ARHGEF10: variants seen among roughly 807,000 people sequenced by gnomAD.
The protein encoded by ARHGEF10 is Rho guanine nucleotide exchange factor 10.
ARHGEF10 carries 140 observed loss-of-function variants against 147.4 expected under a neutral mutation model. The ratio of observed to expected loss-of-function variants is 0.95; its 90% CI spans 0.83 to 1.09. ARHGEF10 has a LOEUF of 1.09. Ranked by LOEUF, ARHGEF10 falls within the 50% of genes least tolerant of loss-of-function variation. The pLI, the probability that ARHGEF10 is intolerant of heterozygous loss-of-function variation, is 0.00. For synonymous variants in ARHGEF10, 902 were observed against 695.8 expected (o/e 1.30, Z -4.67); for missense variants, 2,222 against 1,752.7 (o/e 1.27, Z -4.78).
intron 1 of ARHGEF10, among the ~76,000 whole-genome samples, chr8:1,824,599 T>TC (rs963911739): frequency 6.9e-5 from 6 of 87,420 alleles, no homozygotes; most frequent in Non-Finnish European, 1.1e-4. Flanking sequence ...ACCCCGCCTG[T>TC]CCCTCAGCAC....
intron 15 of ARHGEF10, among the ~76,000 whole-genome samples, chr8:1,901,047 G>A (rs1420771413): frequency 6.6e-6 from 1 of 152,044 alleles, no homozygotes; most frequent in Non-Finnish European, 1.5e-5. Flanking sequence ...GAGCAGGGTG[G>A]GTCCACGTAC....
intron 2 of ARHGEF10, among the ~76,000 whole-genome samples, chr8:1,850,078 AGAGGGCAAATGCTGAGGAGGGCG>A (rs2129059124): frequency 8.0e-6 from 1 of 124,272 alleles, no homozygotes; most frequent in Admixed American, 7.7e-5. Flanking sequence ...GCGTGGACAC[AGAGGGCAAATGCTGAGGAGGGCG>A]TGGGCCGGCT....
intron 23 of ARHGEF10, chr8:1,927,515 A>G (rs953805293): frequency 3.3e-5 from 5 of 152,260 alleles, no homozygotes; most frequent in African/African-American, 1.2e-4. Context: ...AAAAAAAAAG[A>G]CAAATAAATT....
At chr8:1,920,722 G>A (rs1337385905) in intron 18 of ARHGEF10, among the ~76,000 whole-genome samples, 6 of 152,094 alleles carry the variant, frequency 3.9e-5, no homozygotes, top group African/African-American at 1.4e-4. Context: ...TAAATTATAA[G>A]CATTCTGTAA....
intron 18 of ARHGEF10, among the ~76,000 whole-genome samples, chr8:1,919,571 C>T (rs1316307430): frequency 6.8e-6 from 1 of 148,010 alleles, no homozygotes; most frequent in African/African-American, 2.5e-5. Flanking sequence ...GGGTGATGAG[C>T]TGTTCTGTGG....
chr8:1,858,040 C>T lies in ARHGEF10; in HGVS notation c.118C>T (p.Pro40Ser), dbSNP rs1805712185. 2 of 1,613,926 alleles carry T rather than the reference C, an allele frequency of 1.2e-6. No homozygotes were observed. The highest frequency in any genetic ancestry group is 4.5e-5 in the East Asian group (2 of 44,862). Residue 40 changes from proline to serine, a missense_variant, in exon 3 of 29, where the codon CCA (proline) becomes TCA (serine). Pro to Ser is a moderately conservative substitution (Grantham distance 74). Transcript: ENST00000349830. ...QFDFDSGDEI[P>S]EADRQAPSAP... ...CGATTTTGACAGTGGAGATGAAATCCCAGAAGCGGACAGACAGGCCCCATC... is the reference window on the plus strand; with the variant it reads ...CGATTTTGACAGTGGAGATGAAATCTCAGAAGCGGACAGACAGGCCCCATC...
At chr8:1,940,281 T>C (rs3824141) in intron 26 of ARHGEF10, among the ~76,000 whole-genome samples, 21,794 of 152,168 alleles carry the variant, frequency 0.14, 1,839 homozygotes, top group East Asian at 0.33. Context: ...CAGGGAGTAA[T>C]TTCTGCTTTA....
intron 6 of ARHGEF10, among the ~76,000 whole-genome samples, chr8:1,866,846 T>G (rs13252399): frequency 1.3e-5 from 2 of 152,102 alleles, no homozygotes. Context: ...GGTCGTTTCT[T>G]TCTAGCACAG....
intron 18 of ARHGEF10, among the ~76,000 whole-genome samples, chr8:1,920,071 T>TGGGTGATGGAGCTGTTCC (rs1563286538): frequency 1.4e-3 from 95 of 67,402 alleles, no homozygotes; most frequent in Non-Finnish European, 2.4e-3. Context: ...GGAGCTGTTC[T>TGGGTGATGGAGCTGTTCC]GTGGGTGATG....
Position 1,905,724 on chromosome 8 carries a change from C to CATA in ARHGEF10, c.1967+10_1967+12dup. 4 of 1,613,110 alleles carry CATA rather than the reference C, an allele frequency of 2.5e-6. No individual in the cohort carries two copies. Among genetic ancestry groups the CATA allele is most frequent in the Non-Finnish European group, 3.4e-6 (4 of 1,180,018 alleles). On this transcript the variant is annotated intron_variant, in intron 17 of 28. Coordinates refer to ENST00000349830, the MANE Select transcript of ARHGEF10 (RefSeq NM_014629.4). The stretch of plus-strand genomic sequence containing the variant: ...TGCCACCGTCAGCTCACGGTAAGTG[C>CATA]ATAAATTCTCTATAGTAGTCCTACC...
intron 18 of ARHGEF10, 107 bp from the exon 19 acceptor site, chr8:1,922,857 C>G (rs1220879925): frequency 1.3e-6 from 1 of 787,582 alleles, no homozygotes. Flanking sequence ...AGATTCACCC[C>G]TCAACTTAAA....
intron 11 of ARHGEF10, among the ~76,000 whole-genome samples, chr8:1,887,000 T>C (rs1208096346): frequency 6.6e-6 from 1 of 152,172 alleles, no homozygotes; most frequent in Non-Finnish European, 1.5e-5. Context: ...CCCACCTCAC[T>C]TCATGCTCAG....
intron 1 of ARHGEF10, among the ~76,000 whole-genome samples, chr8:1,841,956 G>T (rs186322105): frequency 0.022 from 1,503 of 68,872 alleles, 174 homozygotes; most frequent in African/African-American, 0.046. Context: ...CGGAACTGGG[G>T]CCGCGACCGG....
intron 11 of ARHGEF10, among the ~76,000 whole-genome samples, chr8:1,889,736 G>A (rs553347444): frequency 8.6e-6 from 1 of 115,904 alleles, no homozygotes; most frequent in East Asian, 2.8e-4. Flanking sequence ...TGAGGGTTGC[G>A]AGGAGACATT....
chr8:1,839,166 G>C (rs1480703132), intron 1 of ARHGEF10, among the ~76,000 whole-genome samples: 1 of 133,648 alleles, frequency 7.5e-6, no homozygotes, highest in African/African-American at 3.1e-5. Flanking sequence ...CCGGTGTGGG[G>C]ACAGTCTGGT....
intron 18 of ARHGEF10, among the ~76,000 whole-genome samples, chr8:1,911,459 C>G (rs1052717544): frequency 6.6e-6 from 1 of 152,158 alleles, no homozygotes; most frequent in East Asian, 1.9e-4. Flanking sequence ...ACTTTTAAAA[C>G]AAATTATTTA....
chr8:1,910,386 C>T (rs538313981), intron 18 of ARHGEF10, among the ~76,000 whole-genome samples: 10 of 152,160 alleles, frequency 6.6e-5, no homozygotes, highest in Non-Finnish European at 1.2e-4. Flanking sequence ...TTATTTTTCT[C>T]ATTCCCCTGA....
chr8:1,876,350 C>A, intron 7 of ARHGEF10: 1 of 600,172 alleles, frequency 1.7e-6, no homozygotes, highest in Admixed American at 2.8e-5. Flanking sequence ...GTGAGAAACA[C>A]CTGAAGTGCT....
rs1454312133 is a variant in ARHGEF10 at position 1,893,663 on chromosome 8, T to C, written c.1260+17T>C. 2 of 1,529,542 alleles carry C rather than the reference T, an allele frequency of 1.3e-6. No individual in the cohort carries two copies. The highest frequency in any genetic ancestry group is 3.3e-5 in the Admixed American group (2 of 59,936). 94.7% of individuals were successfully genotyped at this position (1,529,542 alleles called of 1,614,324 possible). ...ATTTTGGAGGTACTTAAGTGTCGTG[T>C]TACATAATACATACATTTCTATTAT... is the stretch of plus-strand genomic sequence containing the variant. On this transcript the variant is annotated intron_variant, in intron 12 of 28. Coordinates refer to ENST00000349830, the MANE Select transcript of ARHGEF10 (RefSeq NM_014629.4).
Sources: allele counts gnomAD v4.1 joint callset (sites outside exome capture counted in the v4.1 genomes callset), GRCh38; gene constraint gnomAD v4.1.1; transcripts MANE v1.5; gene names NCBI Gene and HGNC (gene_info 2026-07-23, HGNC 2026-07-21).